The following ANKS1A variants were observed in gnomAD, a reference collection of about 807,000 sequenced individuals.
ANKS1A encodes ankyrin repeat and sterile alpha motif domain containing 1A.
Under a neutral mutation model 120.3 loss-of-function variants are expected in ANKS1A, and 55 were observed. The ratio of observed to expected loss-of-function variants is 0.46; its 90% confidence interval spans 0.37 to 0.57. The LOEUF (loss-of-function observed/expected upper bound fraction) is 0.57, where lower values mean the gene tolerates loss of function less well. Among genes scored for constraint, ANKS1A ranks in the 20% least tolerant of loss-of-function variants. The pLI is 0.00. For missense variants in ANKS1A, 1,123 were observed against 1,480.3 expected (o/e 0.76, Z 3.96); for synonymous variants, 590 against 604.7 (o/e 0.98, Z 0.36).
chr6:34,966,853 G>A (rs143614864), intron 1 of ANKS1A, among the ~76,000 whole-genome samples: 86 of 152,266 alleles, frequency 5.6e-4, no homozygotes, highest in African/African-American at 1.9e-3. Flanking sequence ...TATCTGATCT[G>A]TGTTGAGGTC....
chr6:35,006,111 C>T (rs1317360782), intron 10 of ANKS1A, among the ~76,000 whole-genome samples: 1 of 151,114 alleles, frequency 6.6e-6, no homozygotes, highest in African/African-American at 2.4e-5. Flanking sequence ...TCGCTTGAAC[C>T]CGGGAGGCAG....
At chr6:35,033,997 C>T (rs942836764) in intron 11 of ANKS1A, among the ~76,000 whole-genome samples, 1 of 152,138 alleles carries the variant, frequency 6.6e-6, no homozygotes, top group African/African-American at 2.4e-5. Flanking sequence ...TTACTCAGCA[C>T]CTACTATTGC....
intron 3 of ANKS1A, chr6:34,972,637 T>C (rs1423230160): frequency 4.2e-5 from 41 of 985,158 alleles, no homozygotes; most frequent in Non-Finnish European, 4.8e-5. Flanking sequence ...CTTATATCAA[T>C]GCCAAGGTGT....
chr6:34,950,389 C>T (rs988039216), intron 1 of ANKS1A, among the ~76,000 whole-genome samples: 4 of 151,910 alleles, frequency 2.6e-5, no homozygotes, highest in Admixed American at 1.3e-4. Context: ...CCACCACGCC[C>T]AGCTAATTTT....
rs530605297 is a variant in ANKS1A, at chr6:35,009,902, T to TAAA, written c.1424-7541_1424-7539dup. On this transcript the variant is annotated intron_variant, in intron 10 of 23. Transcript: ENST00000360359. Reference sequence around the variant, plus strand: ...TGGGTGACACGAGCAAGACTCTGTCTAAAAAAAAAAAAAAAAAAAAAAAAA... The same window carrying TAAA: ...TGGGTGACACGAGCAAGACTCTGTCTAAAAAAAAAAAAAAAAAAAAAAAAAAAA... 351 of 78,442 alleles carry TAAA rather than the reference T, an allele frequency of 4.5e-3. 25 individuals carry two copies. The highest frequency in any genetic ancestry group is 0.017 in the East Asian group (27 of 1,596). The allele number at this position is 78,442 out of a possible 1,614,324, so 4.9% of individuals were successfully genotyped here.
intron 11 of ANKS1A, among the ~76,000 whole-genome samples, chr6:35,040,139 A>G (rs1382368151): frequency 6.6e-6 from 1 of 152,246 alleles, no homozygotes; most frequent in African/African-American, 2.4e-5. Context: ...AGGTATCTTC[A>G]TCAAGGGCTG....
intron 1 of ANKS1A, among the ~76,000 whole-genome samples, chr6:34,895,776 CTTTCTTTTT>C (rs1767039383): frequency 3.9e-5 from 4 of 101,974 alleles, no homozygotes; most frequent in African/African-American, 2.0e-4. Context: ...TCAAGAATGT[CTTTCTTTTT>C]TTTTTTTTTT....
intron 13 of ANKS1A, among the ~76,000 whole-genome samples, chr6:35,066,132 T>C (rs1196940202): frequency 1.3e-5 from 2 of 152,178 alleles, no homozygotes; most frequent in Non-Finnish European, 2.9e-5. Flanking sequence ...TCATTTGACC[T>C]ACTTACTTCA....
At chr6:35,001,152 A>C (rs1773146371) in intron 10 of ANKS1A, among the ~76,000 whole-genome samples, 1 of 152,250 alleles carries the variant, frequency 6.6e-6, no homozygotes, top group South Asian at 2.1e-4. Flanking sequence ...AATTTAGCTT[A>C]TCTGGTATAA....
intron 1 of ANKS1A, among the ~76,000 whole-genome samples, chr6:34,928,491 C>T (rs1768823744): frequency 6.6e-6 from 1 of 152,174 alleles, no homozygotes; most frequent in African/African-American, 2.4e-5. Context: ...GAGTTAAGGA[C>T]CTTATCCATG....
At chr6:34,910,300 G>T (rs982248967) in intron 1 of ANKS1A, among the ~76,000 whole-genome samples, 12 of 151,938 alleles carry the variant, frequency 7.9e-5, no homozygotes, top group Admixed American at 7.9e-4. Context: ...ACAGTGGCTC[G>T]TGCCCTGTAA....
intron 13 of ANKS1A, among the ~76,000 whole-genome samples, chr6:35,074,015 TTG>T (rs1206525633): frequency 3.9e-5 from 6 of 152,384 alleles, no homozygotes; most frequent in Middle Eastern, 3.4e-3. Flanking sequence ...TCCTTTATTT[TTG>T]TGTGTTTCCA....
chr6:34,988,890 T>G (rs1276261052), intron 8 of ANKS1A, among the ~76,000 whole-genome samples: 3 of 152,244 alleles, frequency 2.0e-5, no homozygotes, highest in Non-Finnish European at 4.4e-5. Flanking sequence ...CTGATTTTCC[T>G]AAGGTAAAGT....
Position 35,082,935 on chromosome 6 carries a change from T to C in ANKS1A, c.2835+119T>C. ...CAGGCCCAGGGCTTTTGAGCTGTTC[T>C]CCACTCTCAGCCACTCTTGACAGCT... On this transcript the variant is annotated intron_variant, in intron 18 of 23. Transcript: ENST00000360359. The surrounding 1 kb of genome is among the most constrained non-coding windows in gnomAD (Gnocchi z 4.1). 1 of 1,482,440 alleles carries C rather than the reference T, an allele frequency of 6.7e-7. No homozygotes were observed. The highest frequency in any genetic ancestry group is 2.3e-5 in the East Asian group (1 of 42,604). The allele number at this position is 1,482,440 out of a possible 1,614,324, so 91.8% of individuals were successfully genotyped here.
chr6:34,997,243 C>A (rs1772904731), intron 10 of ANKS1A, among the ~76,000 whole-genome samples: 2 of 140,364 alleles, frequency 1.4e-5, no homozygotes, highest in African/African-American at 5.3e-5. Flanking sequence ...GTTGCCCAGG[C>A]TGGAGTGCAG....
intron 11 of ANKS1A, among the ~76,000 whole-genome samples, chr6:35,039,192 C>CTTT (rs35565672): frequency 0.018 from 1,546 of 83,730 alleles, 28 homozygotes; most frequent in Non-Finnish European, 0.023. Context: ...CTCCCTCATA[C>CTTT]TTTTTTTTTT....
chr6:35,088,637 GA>G lies in ANKS1A; in HGVS notation c.*31del. 1 of 1,614,204 alleles carries G rather than the reference GA, an allele frequency of 6.2e-7. No homozygotes were observed. The highest frequency in any genetic ancestry group is 8.5e-7 in the Non-Finnish European group (1 of 1,180,036). ...CACTGAGGAACCACACTGTGCTGCG[GA>G]AACATAGACGTGGGGGCATAGGCTC... On this transcript the variant is annotated 3_prime_UTR_variant, in exon 24 of 24. Transcript: ENST00000360359.
At chr6:35,092,818 A>G (rs1156291374), downstream of ANKS1A, among the ~76,000 whole-genome samples, 1 of 152,012 alleles carries the variant, frequency 6.6e-6, no homozygotes, top group African/African-American at 2.4e-5. Flanking sequence ...ACTCCTCCAC[A>G]TCCTCATGAG....
At position 34,981,786 on chromosome 6, in the gene ANKS1A, C is replaced by A; in HGVS notation, c.532C>A (p.Arg178Ser). The A allele has an allele frequency of 6.2e-7, 1 of 1,614,112 alleles. No individual in the cohort carries two copies. Among genetic ancestry groups the A allele is most frequent in the Non-Finnish European group, 8.5e-7 (1 of 1,180,022 alleles). The change falls in exon 4 of 24, where the codon CGC (arginine) becomes AGC (serine). Residue 178 changes from arginine to serine, a missense_variant. Coordinates refer to ENST00000360359, the MANE Select transcript of ANKS1A (RefSeq NM_015245.3). ...LLEELTDPTMRNNKFETPLDL... is the reference protein window; with the variant it reads ...LLEELTDPTMSNNKFETPLDL... Reference sequence around the variant, plus strand: ...AGAGGAGCTGACGGACCCCACCATGCGCAACAACAAATTCGAGACCCCTTT... The same window carrying A: ...AGAGGAGCTGACGGACCCCACCATGAGCAACAACAAATTCGAGACCCCTTT...
Sources: allele counts gnomAD v4.1 joint callset (sites outside exome capture counted in the v4.1 genomes callset), GRCh38; gene constraint gnomAD v4.1.1; non-coding constraint Gnocchi (gnomAD v3.1); transcripts MANE v1.5; gene names NCBI Gene and HGNC (gene_info 2026-07-23, HGNC 2026-07-21).